NPAS3: variants seen among roughly 807,000 people sequenced by gnomAD.
The protein encoded by NPAS3 is neuronal PAS domain protein 3.
Under a neutral mutation model 73.1 loss-of-function variants are expected in NPAS3, and 14 were observed. The observed-to-expected ratio is 0.19, with a 90% confidence interval of 0.13 to 0.30. NPAS3 has a LOEUF of 0.30. Ranked by LOEUF, NPAS3 falls within the 10% of genes least tolerant of loss-of-function variation. The pLI, the probability that NPAS3 is intolerant of heterozygous loss-of-function variation, is 1.00. For synonymous variants in NPAS3, 620 were observed against 541.5 expected (o/e 1.14, Z -2.01); for missense variants, 1,096 against 1,250.0 (o/e 0.88, Z 1.86).
At chr14:33,784,724 T>TTTTA (rs2063090350) in intron 9 of NPAS3, among the ~76,000 whole-genome samples, 1 of 93,552 alleles carries the variant, frequency 1.1e-5, no homozygotes, top group African/African-American at 5.1e-5. Flanking sequence ...TTGTTATTTT[T>TTTTA]ATTTATTTAT....
At chr14:32,941,275 TCCTCCCTCCCTC>T (rs1196215747) in intron 1 of NPAS3, among the ~76,000 whole-genome samples, 1 of 1,874 alleles carries the variant, frequency 5.3e-4, no homozygotes, top group Admixed American at 4.1e-3. Context: ...TCCCCTCCCC[TCCTCCCTCCCTC>T]CCTCCCTCCC....
intron 1 of NPAS3, among the ~76,000 whole-genome samples, chr14:32,969,576 A>T (rs2037335824): frequency 6.6e-6 from 1 of 152,142 alleles, no homozygotes; most frequent in South Asian, 2.1e-4. Flanking sequence ...ATTTTGTTAG[A>T]TTGAGTTTGT....
chr14:33,322,450 A>G (rs972825236), intron 3 of NPAS3, among the ~76,000 whole-genome samples: 6 of 150,836 alleles, frequency 4.0e-5, no homozygotes, highest in African/African-American at 1.2e-4. Context: ...ATTTTTTTGT[A>G]TAAGTACGGG....
intron 3 of NPAS3, among the ~76,000 whole-genome samples, chr14:33,297,615 A>G (rs944684224): frequency 7.9e-5 from 12 of 152,230 alleles, no homozygotes; most frequent in African/African-American, 2.9e-4. Context: ...AAATAAATGC[A>G]CACACACAAA....
intron 3 of NPAS3, among the ~76,000 whole-genome samples, chr14:33,350,083 G>T (rs116581524): frequency 1.3e-5 from 2 of 152,130 alleles, no homozygotes; most frequent in African/African-American, 4.8e-5. Context: ...TGCATTTCTC[G>T]TACGCTTGGC....
chr14:33,801,309 G>A (rs374955647), downstream of NPAS3: 11 of 1,123,496 alleles, frequency 9.8e-6, no homozygotes, highest in African/African-American at 1.1e-4. Flanking sequence ...TGCCTTCAGA[G>A]GGTCAGACGA....
chr14:33,100,244 A>T (rs1157488659), intron 2 of NPAS3, among the ~76,000 whole-genome samples: 4 of 152,162 alleles, frequency 2.6e-5, no homozygotes, highest in Non-Finnish European at 4.4e-5. Context: ...ATGGGAAGGT[A>T]GGTTTTTCTT....
chr14:33,424,975 T>C (rs1186391592), intron 4 of NPAS3, among the ~76,000 whole-genome samples: 2 of 151,906 alleles, frequency 1.3e-5, no homozygotes, highest in Admixed American at 1.3e-4. Context: ...TGCTACTACT[T>C]AAAGATTGTG....
At position 33,563,731 on chromosome 14, in the gene NPAS3, T is replaced by C. The variant is rs111247903; in HGVS notation, c.558+3521T>C. On this transcript the variant is annotated intron_variant, in intron 5 of 11. Transcript: ENST00000356141. The stretch of plus-strand genomic sequence containing the variant: ...ATACTGATGCTGAGTTTGGCTTGCA[T>C]AGAGACTGAATAACTTGTTATACCT... Among the ~76,000 whole-genome samples the C allele has an allele frequency of 7.9e-3, 1,206 of 152,274 alleles. 3 individuals carry two copies. Among genetic ancestry groups the C allele is most frequent in the Non-Finnish European group, 0.013 (866 of 68,008 alleles).
chr14:33,762,071 A>G (rs1314824572), intron 7 of NPAS3, among the ~76,000 whole-genome samples: 1 of 152,224 alleles, frequency 6.6e-6, no homozygotes, highest in East Asian at 1.9e-4. Flanking sequence ...TTAGTTTCTT[A>G]GGCATTATAA....
intron 3 of NPAS3, among the ~76,000 whole-genome samples, chr14:33,274,275 C>T (rs549694337): frequency 6.6e-5 from 10 of 152,256 alleles, no homozygotes; most frequent in Non-Finnish European, 1.3e-4. Context: ...TCACTATGTA[C>T]GGAGAAACAT....
chr14:33,353,314 A>G (rs1009460259), intron 3 of NPAS3, among the ~76,000 whole-genome samples: 6 of 152,204 alleles, frequency 3.9e-5, no homozygotes, highest in Non-Finnish European at 7.3e-5. Flanking sequence ...TGTGTATATT[A>G]ATAATCACTT....
At chr14:33,717,137 T>G (rs1017632002) in intron 6 of NPAS3, among the ~76,000 whole-genome samples, 3 of 144,984 alleles carry the variant, frequency 2.1e-5, no homozygotes, top group African/African-American at 7.5e-5. Flanking sequence ...ATTTCCTGCT[T>G]GAAAACCACT....
intron 3 of NPAS3, among the ~76,000 whole-genome samples, chr14:33,355,481 G>T (rs1351852965): frequency 6.6e-6 from 1 of 152,014 alleles, no homozygotes; most frequent in African/African-American, 2.4e-5. Context: ...TTGTATTTTT[G>T]TAGAGATAGG....
intron 1 of NPAS3, among the ~76,000 whole-genome samples, chr14:33,003,425 CTG>C (rs2139585420): frequency 6.6e-6 from 1 of 152,290 alleles, no homozygotes; most frequent in African/African-American, 2.4e-5. Flanking sequence ...GGAAAGCTGA[CTG>C]TAAGAATTTT....
intron 3 of NPAS3, among the ~76,000 whole-genome samples, chr14:33,311,128 A>C (rs971090891): frequency 6.6e-6 from 1 of 152,116 alleles, no homozygotes; most frequent in Admixed American, 6.6e-5. Flanking sequence ...GGAGTGTCAC[A>C]GAATATTTTT....
chr14:33,519,799 C>T (rs1017147088), intron 4 of NPAS3, among the ~76,000 whole-genome samples: 1 of 152,132 alleles, frequency 6.6e-6, no homozygotes, highest in Admixed American at 6.5e-5. Context: ...ATAACAAACA[C>T]CCACATTTGT....
At chr14:33,270,493 G>A (rs925827963) in intron 3 of NPAS3, among the ~76,000 whole-genome samples, 1 of 152,140 alleles carries the variant, frequency 6.6e-6, no homozygotes, top group African/African-American at 2.4e-5. Context: ...AAGAGAGAGG[G>A]AGAAGGAGGG....
intron 7 of NPAS3, among the ~76,000 whole-genome samples, chr14:33,753,868 T>A (rs1683634581): frequency 6.6e-6 from 1 of 152,280 alleles, no homozygotes; most frequent in South Asian, 2.1e-4. Context: ...AGCTCTCTTT[T>A]CCTAAGTTAG....
Sources: gnomAD v4.1 joint callset for allele counts (sites outside exome capture counted in the v4.1 genomes callset) on GRCh38, gnomAD v4.1.1 for gene constraint, MANE v1.5 for transcripts, NCBI Gene and HGNC (gene_info 2026-07-23, HGNC 2026-07-21) for gene names.